Variants in AKAP10 observed in about 807,000 individuals in gnomAD.
AKAP10 encodes A-kinase anchor protein 10, mitochondrial.
AKAP10 carries 24 observed loss-of-function variants against 80.8 expected under a neutral mutation model. The ratio of observed to expected loss-of-function variants is 0.30; its 90% CI spans 0.22 to 0.42. AKAP10 has a LOEUF of 0.42. Ranked by LOEUF, AKAP10 falls within the 10% of genes least tolerant of loss-of-function variation. The probability of loss-of-function intolerance (pLI) is 1.00; values close to 1 mark genes in which losing one functional copy is unlikely to be tolerated. For synonymous variants in AKAP10, 291 were observed against 277.7 expected, an observed-to-expected ratio of 1.05 and a Z score of -0.48; for missense variants, 661 against 794.9, an observed-to-expected ratio of 0.83 and a Z score of 2.03.
chr17:19,952,332 C>T lies in AKAP10; in HGVS notation c.878-4827G>A, dbSNP rs372044104. 5.9e-5 allele frequency among the ~76,000 whole-genome samples: 9 copies of T among 151,856 alleles called. No homozygotes were observed. In the South Asian group the frequency reaches 1.0e-3, roughly 18 times the overall value. ...TACAAAAAATCAGCCAGGCATGGTG[C>T]GCGTGCCTGTAATCCCAGCTACTTG... is the stretch of plus-strand genomic sequence containing the variant. On this transcript the variant is annotated intron_variant, in intron 4 of 14. Transcript: ENST00000225737.
chr17:19,977,510 G>A, intron 1 of AKAP10, 82 bp downstream of exon 1: 1 of 1,103,284 alleles, frequency 9.1e-7, no homozygotes, highest in Non-Finnish European at 1.1e-6. Flanking sequence ...CTGCCGCCTT[G>A]GGGAAAGCCC....
chr17:19,934,083 G>A (rs576564796), intron 9 of AKAP10, among the ~76,000 whole-genome samples: 47 of 151,908 alleles, frequency 3.1e-4, no homozygotes, highest in African/African-American at 4.1e-4. Flanking sequence ...CACCACGCCC[G>A]GCTAATTTTG....
At position 19,977,770 on chromosome 17, in the gene AKAP10, C is replaced by G; in HGVS notation, c.-91G>C. On this transcript the variant is annotated 5_prime_UTR_variant, in exon 1 of 15. Transcript: ENST00000225737. ...TTCCGGGAGTGGGCCCCACCGCCTC[C>G]TCGGGATGCCCAGGCAGCTCCAGCC... is the stretch of plus-strand genomic sequence containing the variant. 1.3e-6 allele frequency: 1 copy of G among 771,602 alleles called. No homozygotes were observed. Among genetic ancestry groups the G allele is most frequent in the Non-Finnish European group, 1.8e-6 (1 of 565,608 alleles). The allele number at this position is 771,602 out of a possible 1,614,324, so 47.8% of individuals were successfully genotyped here.
chr17:19,969,756 T>C (rs956542622), intron 1 of AKAP10, among the ~76,000 whole-genome samples: 1 of 152,134 alleles, frequency 6.6e-6, no homozygotes, highest in Non-Finnish European at 1.5e-5. Context: ...GAAAAGGCAA[T>C]GATTTTGCCT....
At chr17:19,911,151 A>G (rs1195579913) in intron 12 of AKAP10, among the ~76,000 whole-genome samples, 1 of 152,064 alleles carries the variant, frequency 6.6e-6, no homozygotes, top group Non-Finnish European at 1.5e-5. Context: ...TTTACTGCCA[A>G]CCAGAGTCTA....
In AKAP10 at chr17:19,916,156, G is replaced by A. The variant is rs117404634; in HGVS notation, c.1834+3880C>T. Among the ~76,000 whole-genome samples the A allele has an allele frequency of 9.8e-3, 1,488 of 152,266 alleles. 14 individuals carry two copies. The highest frequency in any genetic ancestry group is 0.017 in the Middle Eastern group (5 of 294). On this transcript the variant is annotated intron_variant, in intron 12 of 14. Transcript: ENST00000225737. ...TGGGCTTACGCCCCCGCTGCGCTCA[G>A]GTCTACTCAAAATGCCACCTCCTCA...
At chr17:19,934,748 C>T (rs1428013666) in intron 9 of AKAP10, among the ~76,000 whole-genome samples, 1 of 152,196 alleles carries the variant, frequency 6.6e-6, no homozygotes, top group Admixed American at 6.5e-5. Flanking sequence ...CATGGTAGCT[C>T]ATGCCTGTAA....
intron 11 of AKAP10, among the ~76,000 whole-genome samples, chr17:19,922,911 A>C (rs552653574): frequency 6.6e-5 from 10 of 152,316 alleles, no homozygotes; most frequent in East Asian, 3.9e-4. Flanking sequence ...AAAAACCAAA[A>C]CAAAACAAAA....
intron 1 of AKAP10, 37 bp downstream of exon 1, chr17:19,977,555 G>C (rs1371746313): frequency 8.1e-7 from 1 of 1,227,124 alleles, no homozygotes; most frequent in Admixed American, 4.2e-5. Flanking sequence ...CGCCCCTGAG[G>C]CCCGGCCTGA....
chr17:19,955,433 T>C (rs1409143897), intron 4 of AKAP10, among the ~76,000 whole-genome samples: 2 of 152,120 alleles, frequency 1.3e-5, no homozygotes, highest in African/African-American at 2.4e-5. Flanking sequence ...AAACTTACTA[T>C]ATATAATATT....
Position 19,977,526 on chromosome 17 carries a change from G to A in AKAP10, c.88+66C>T, listed in dbSNP as rs552152687. ...TGCCGCCTTGGGGAAAGCCCTCGCA[G>A]GCCCACCTGCCCCACCGCCGCCCCT... On this transcript the variant is annotated intron_variant, in intron 1 of 14. Transcript: ENST00000225737. The A allele has an allele frequency of 3.3e-4, 390 of 1,184,690 alleles. No homozygotes were observed. The African/African-American group carries it at 5.6e-3, about 17-fold the overall frequency. The allele number at this position is 1,184,690 out of a possible 1,614,324, so 73.4% of individuals were successfully genotyped here.
intron 1 of AKAP10, among the ~76,000 whole-genome samples, chr17:19,970,993 G>A (rs1202727185): frequency 6.6e-6 from 1 of 151,850 alleles, no homozygotes; most frequent in Non-Finnish European, 1.5e-5. Context: ...GGGCTCAAGT[G>A]ATCCTCTCAT....
At chr17:19,958,842 CTTTTTTTTTT>C (rs772496178) in intron 3 of AKAP10, among the ~76,000 whole-genome samples, 40 of 92,972 alleles carry the variant, frequency 4.3e-4, no homozygotes, top group African/African-American at 1.0e-3. Flanking sequence ...CATGTAAATT[CTTTTTTTTTT>C]TTTTTTTTTT....
chr17:19,941,973 G>T, intron 5 of AKAP10, 63 bp from the exon 6 acceptor site: 2 of 1,464,010 alleles, frequency 1.4e-6, no homozygotes, highest in Non-Finnish European at 9.3e-7. Context: ...ACACACTTGT[G>T]AATCAACTTG....
intron 12 of AKAP10, among the ~76,000 whole-genome samples, chr17:19,914,591 G>A (rs1181418411): frequency 2.9e-5 from 4 of 137,512 alleles, no homozygotes; most frequent in African/African-American, 5.6e-5. Flanking sequence ...GCAGTGAGTC[G>A]TGATTCCAGC....
At position 19,963,233 on chromosome 17, in the gene AKAP10, CCAGA is replaced by C. The variant is rs1435563490; in HGVS notation, c.137-215_137-212del. 2.5e-4 allele frequency among the ~76,000 whole-genome samples: 34 copies of C among 136,420 alleles called. No homozygotes were observed. In the Middle Eastern group the frequency reaches 0.012, roughly 47 times the overall value. The allele number at this position is 136,420 out of a possible 152,430, so 89.5% of individuals were successfully genotyped here. ...ACTCTTTTTTTTTTTTTTTTTTTTC[CCAGA>C]CAGAGTCTTGCTCTGTCACCCAGGC... On this transcript the variant is annotated intron_variant, in intron 2 of 14. Coordinates refer to ENST00000225737, the MANE Select transcript of AKAP10 (RefSeq NM_007202.4).
intron 10 of AKAP10, among the ~76,000 whole-genome samples, chr17:19,924,953 C>T (rs929107199): frequency 3.9e-5 from 6 of 151,980 alleles, no homozygotes; most frequent in African/African-American, 1.5e-4. Flanking sequence ...CACTTGAGGC[C>T]AAGAGTTCGA....
chr17:19,904,389 G>C lies in AKAP10; in HGVS notation c.*1838C>G, dbSNP rs944588249. 3 of 152,108 alleles carry C rather than the reference G, an allele frequency of 2.0e-5. No individual in the cohort carries two copies. Among genetic ancestry groups the C allele is most frequent in the African/African-American group, 7.2e-5 (3 of 41,422 alleles). The allele number at this position is 152,108 out of a possible 1,614,324, so 9.4% of individuals were successfully genotyped here. On this transcript the variant is annotated 3_prime_UTR_variant, in exon 15 of 15. Transcript: ENST00000225737. ...AAATGTATATACAAAGAAATGATTA[G>C]AATTTATCTTAACTGAAAGCACTAG...
intron 3 of AKAP10, among the ~76,000 whole-genome samples, chr17:19,960,707 T>C (rs371700837): frequency 3.9e-5 from 6 of 152,322 alleles, no homozygotes; most frequent in African/African-American, 1.4e-4. Context: ...TGCTAGGTCA[T>C]ATGGTAATTG....
Sources: gnomAD v4.1 joint callset for allele counts (sites outside exome capture counted in the v4.1 genomes callset) on GRCh38, gnomAD v4.1.1 for gene constraint, MANE v1.5 for transcripts, NCBI Gene and HGNC (gene_info 2026-07-23, HGNC 2026-07-21) for gene names.